ACYP2: variants seen among roughly 807,000 people sequenced by gnomAD.
The protein encoded by ACYP2 is acylphosphatase-2.
Under a neutral mutation model 11.2 loss-of-function variants are expected in ACYP2, and 12 were observed. That is an observed-to-expected ratio of 1.08 (90% confidence interval 0.69 to 1.74). The LOEUF is 1.74. Ranked by LOEUF, ACYP2 falls within the 40% of genes most tolerant of loss-of-function variation. ACYP2 has a pLI of 0.00. For synonymous variants in ACYP2, 43 were observed against 32.2 expected (o/e 1.33, Z -1.13); for missense variants, 134 against 101.9 (o/e 1.31, Z -1.35).
chr2:54,097,287 C>G (rs1214001544), intron 4 of ACYP2, among the ~76,000 whole-genome samples: 1 of 152,214 alleles, frequency 6.6e-6, no homozygotes, highest in African/African-American at 2.4e-5. Flanking sequence ...TTTGTTGTCT[C>G]TTTCCCCTGA....
At chr2:54,219,046 C>T (rs1368866126) in intron 6 of ACYP2, among the ~76,000 whole-genome samples, 1 of 152,016 alleles carries the variant, frequency 6.6e-6, no homozygotes, top group Non-Finnish European at 1.5e-5. Flanking sequence ...GGAATTTATA[C>T]TTAAAGCCAT....
At chr2:54,096,692 G>A (rs1323373922) in intron 4 of ACYP2, among the ~76,000 whole-genome samples, 1 of 152,312 alleles carries the variant, frequency 6.6e-6, no homozygotes, top group East Asian at 1.9e-4. Context: ...AACCAGTCAG[G>A]TGTGGCGGCG....
intron 6 of ACYP2, among the ~76,000 whole-genome samples, chr2:54,242,868 G>A (rs1686789901): frequency 6.6e-6 from 1 of 152,204 alleles, no homozygotes; most frequent in South Asian, 2.1e-4. Flanking sequence ...ATCACCTAAC[G>A]ATGCATTTCT....
At chr2:54,159,774 C>T (rs2103826239) in intron 6 of ACYP2, among the ~76,000 whole-genome samples, 1 of 152,192 alleles carries the variant, frequency 6.6e-6, no homozygotes, top group African/African-American at 2.4e-5. Context: ...ACAGGACAGG[C>T]CTTGCCTCTC....
chr2:54,162,624 T>G (rs1682769074), intron 6 of ACYP2, among the ~76,000 whole-genome samples: 1 of 152,016 alleles, frequency 6.6e-6, no homozygotes, highest in African/African-American at 2.4e-5. Flanking sequence ...AAAGGCTGTT[T>G]TGAAAGGATA....
chr2:54,088,062 A>G (rs964581289), intron 4 of ACYP2, among the ~76,000 whole-genome samples: 3 of 152,168 alleles, frequency 2.0e-5, no homozygotes, highest in African/African-American at 7.2e-5. Context: ...ACAGTTTAAT[A>G]CATGGCCCCT....
intron 6 of ACYP2, among the ~76,000 whole-genome samples, chr2:54,173,194 C>G (rs1009711770): frequency 5.9e-5 from 9 of 152,232 alleles, no homozygotes; most frequent in Non-Finnish European, 1.2e-4. Flanking sequence ...TCTCCACATC[C>G]TCTCCAGCAT....
chr2:54,125,124 A>T (rs1052152128), intron 4 of ACYP2, among the ~76,000 whole-genome samples: 2 of 152,198 alleles, frequency 1.3e-5, no homozygotes, highest in Non-Finnish European at 2.9e-5. Context: ...TTAAAAAAAA[A>T]AACTCAAAAC....
chr2:54,050,926 C>A, intron 2 of ACYP2: 1 of 406,314 alleles, frequency 2.5e-6, no homozygotes, highest in South Asian at 1.1e-4. Flanking sequence ...AGGTGTGCAC[C>A]CAACTAATTA....
intron 6 of ACYP2, among the ~76,000 whole-genome samples, chr2:54,162,655 A>G (rs1682770321): frequency 6.6e-6 from 1 of 152,044 alleles, no homozygotes; most frequent in African/African-American, 2.4e-5. Flanking sequence ...ACTCACCGGA[A>G]CCTACATAAA....
chr2:54,266,950 T>C (rs1009940901), intron 6 of ACYP2, among the ~76,000 whole-genome samples: 1 of 152,036 alleles, frequency 6.6e-6, no homozygotes, highest in African/African-American at 2.4e-5. Flanking sequence ...ACATAGGAAA[T>C]GGCGAGGCGA....
chr2:54,028,513 C>A (rs1674413515), intron 2 of ACYP2, among the ~76,000 whole-genome samples: 1 of 152,064 alleles, frequency 6.6e-6, no homozygotes, highest in African/African-American at 2.4e-5. Context: ...AAGTCCAGAC[C>A]CACCAAAGAA....
At chr2:54,190,000 T>C (rs1174945628) in intron 6 of ACYP2, among the ~76,000 whole-genome samples, 1 of 152,216 alleles carries the variant, frequency 6.6e-6, no homozygotes, top group Admixed American at 6.5e-5. Flanking sequence ...TTTTTACGTT[T>C]TGTTTTTTGA....
At chr2:53,992,227 C>T (rs545503609) in intron 2 of ACYP2, among the ~76,000 whole-genome samples, 47 of 150,324 alleles carry the variant, frequency 3.1e-4, no homozygotes, top group African/African-American at 1.0e-3. Context: ...TCCTTCCTTC[C>T]TTCCTTCTTT....
At chr2:54,228,332 A>T (rs1686093991) in intron 6 of ACYP2, among the ~76,000 whole-genome samples, 1 of 152,230 alleles carries the variant, frequency 6.6e-6, no homozygotes, top group Non-Finnish European at 1.5e-5. Context: ...GCAACAGCTA[A>T]CATTTATTAA....
At chr2:54,257,155 G>C (rs1037189819) in intron 6 of ACYP2, among the ~76,000 whole-genome samples, 2 of 152,024 alleles carry the variant, frequency 1.3e-5, no homozygotes, top group African/African-American at 2.4e-5. Context: ...GGGAGGATCA[G>C]TTGAGCCTAG....
chr2:54,054,601 G>A (rs1676025086), intron 3 of ACYP2, among the ~76,000 whole-genome samples: 1 of 152,196 alleles, frequency 6.6e-6, no homozygotes, highest in Non-Finnish European at 1.5e-5. Context: ...TATAATTAAA[G>A]AGTGAAGCTG....
rs139239688 is a variant in ACYP2 at position 54,044,248 on chromosome 2, C to T, written c.63-6710C>T. 5.4e-3 allele frequency among the ~76,000 whole-genome samples: 816 copies of T among 152,294 alleles called. 7 individuals are homozygous for T. The highest frequency in any genetic ancestry group is 0.018 in the African/African-American group (732 of 41,552). ...CAAGAATATGTCATCCTCTCAGCTC[C>T]AGACTTTCCACTGAATAAAGGTGCC... is the stretch of plus-strand genomic sequence containing the variant. On this transcript the variant is annotated intron_variant, in intron 2 of 6. Transcript: ENST00000607452.
chr2:54,140,528 TCACA>T (rs200260278), intron 6 of ACYP2, among the ~76,000 whole-genome samples: 10,007 of 150,722 alleles, frequency 0.066, 482 homozygotes, highest in East Asian at 0.28. Flanking sequence ...ATTCTCTCTC[TCACA>T]CACACACACA....
Sources: allele counts gnomAD v4.1 joint callset (sites outside exome capture counted in the v4.1 genomes callset), GRCh38; gene constraint gnomAD v4.1.1; transcripts MANE v1.5; gene names NCBI Gene and HGNC (gene_info 2026-07-23, HGNC 2026-07-21).